ST3GAL4: variants seen among roughly 807,000 people sequenced by gnomAD.
The protein encoded by ST3GAL4 is ST3 beta-galactoside alpha-2,3-sialyltransferase 4, also known as CMP-N-acetylneuraminate-beta-galactosamide-alpha-2,3-sialyltransferase 4.
Under a neutral mutation model 42.6 loss-of-function variants are expected in ST3GAL4, and 24 were observed. The observed-to-expected ratio is 0.56, with a 90% CI of 0.41 to 0.79. ST3GAL4 has a LOEUF of 0.79. Among genes scored for constraint, ST3GAL4 ranks in the 30% least tolerant of loss-of-function variants. The pLI, the probability that ST3GAL4 is intolerant of heterozygous loss-of-function variation, is 0.00. For synonymous variants in ST3GAL4, 135 were observed against 163.2 expected, an observed-to-expected ratio of 0.83 and a Z score of 1.32; for missense variants, 311 against 430.8, an observed-to-expected ratio of 0.72 and a Z score of 2.46.
At chr11:126,365,882 G>A (rs1952406629) in intron 1 of ST3GAL4, among the ~76,000 whole-genome samples, 1 of 152,166 alleles carries the variant, frequency 6.6e-6, no homozygotes, top group Non-Finnish European at 1.5e-5. Context: ...TGCCCTCCAT[G>A]GGGCAGCAGG....
intron 1 of ST3GAL4, among the ~76,000 whole-genome samples, chr11:126,387,121 A>G (rs1280545816): frequency 2.0e-5 from 3 of 152,170 alleles, no homozygotes; most frequent in Admixed American, 1.3e-4. Context: ...CGCGTGTTCT[A>G]GGGTCTGAGA....
At position 126,359,692 on chromosome 11, in the gene ST3GAL4, CAGCTG is replaced by C. The variant is rs1952180779; in HGVS notation, c.-61+3851_-61+3855del. Reference sequence around the variant, plus strand: ...CTGAGCACACGCTTGTCCGCTTTCTCAGCTGGGCGGGGCGGGGCAGGACAAGGTTC... The same window carrying C: ...CTGAGCACACGCTTGTCCGCTTTCTCGGCGGGGCGGGGCAGGACAAGGTTC... On this transcript the variant is annotated intron_variant, in intron 1 of 10. Transcript: ENST00000444328. The surrounding 1 kb of genome is among the most constrained non-coding windows in gnomAD (Gnocchi z 4.8). Among the ~76,000 whole-genome samples the C allele has an allele frequency of 6.6e-6, 1 of 151,794 alleles. No individual in the cohort carries two copies. Among genetic ancestry groups the C allele is most frequent in the African/African-American group, 2.4e-5 (1 of 41,074 alleles).
In ST3GAL4 at chr11:126,373,778, C is replaced by T. The variant is rs539363117; in HGVS notation, c.-61+17936C>T. On this transcript the variant is annotated intron_variant, in intron 1 of 10. Transcript: ENST00000444328. This position sits in a 1 kb window ranked among gnomAD's most constrained non-coding sequence, Gnocchi z 5.5. ...CCTGAGGCAGTTAGCTGGTCAGTTA[C>T]TCACTGTGCTCTCTGCCAACTCTAA... 6.6e-6 allele frequency among the ~76,000 whole-genome samples: 1 copy of T among 152,202 alleles called. No homozygotes were observed. Among genetic ancestry groups the T allele is most frequent in the African/African-American group, 2.4e-5 (1 of 41,530 alleles).
chr11:126,367,564 C>G (rs185958174), intron 1 of ST3GAL4, among the ~76,000 whole-genome samples: 41 of 152,254 alleles, frequency 2.7e-4, no homozygotes, highest in African/African-American at 9.2e-4. Context: ...GTGCCTAGCC[C>G]CTGCTGAGGC....
chr11:126,381,284 G>T (rs1023156194), intron 1 of ST3GAL4, among the ~76,000 whole-genome samples: 3 of 152,204 alleles, frequency 2.0e-5, no homozygotes, highest in African/African-American at 7.2e-5. Flanking sequence ...CAAAACAGAG[G>T]TGTGTAGGGG....
At position 126,409,108 on chromosome 11, in the gene ST3GAL4, A is replaced by G. The variant is rs1308538640; in HGVS notation, c.628-160A>G. Among the ~76,000 whole-genome samples the G allele has an allele frequency of 2.0e-5, 3 of 152,174 alleles. No homozygotes were observed. The East Asian group carries it at 5.8e-4, about 29-fold the overall frequency. ...TTCCCTGGTCCTCTCCTGGTCTCCC[A>G]TCTGTGGCACAGACTTCACCTCCCT... On this transcript the variant is annotated intron_variant, in intron 8 of 10. Coordinates refer to ENST00000444328, the MANE Select transcript of ST3GAL4 (RefSeq NM_001254757.2). The surrounding 1 kb of genome is among the most constrained non-coding windows in gnomAD (Gnocchi z 4.9).
chr11:126,411,004 T>C lies in ST3GAL4; in HGVS notation c.771+1593T>C, dbSNP rs372893236. 1.3e-3 allele frequency among the ~76,000 whole-genome samples: 202 copies of C among 152,220 alleles called. No homozygotes were observed. The highest frequency in any genetic ancestry group is 4.7e-3 in the African/African-American group (194 of 41,534). On this transcript the variant is annotated intron_variant, in intron 9 of 10. Coordinates refer to ENST00000444328, the MANE Select transcript of ST3GAL4 (RefSeq NM_001254757.2). The surrounding 1 kb of genome is among the most constrained non-coding windows in gnomAD (Gnocchi z 6.3). Reference sequence around the variant, plus strand: ...TGAACTGTTTCCAGTACAAGTGGCGTTGAAGGGCAACAAGGAGTTTCATGC... The same window carrying C: ...TGAACTGTTTCCAGTACAAGTGGCGCTGAAGGGCAACAAGGAGTTTCATGC...
intron 1 of ST3GAL4, among the ~76,000 whole-genome samples, chr11:126,381,841 C>T (rs1444779706): frequency 6.6e-6 from 1 of 151,404 alleles, no homozygotes; most frequent in Non-Finnish European, 1.5e-5. Flanking sequence ...TCCTCCCTCA[C>T]TCCTGGCTTC....
Position 126,406,500 on chromosome 11 carries a change from T to C in ST3GAL4, c.44T>C (p.Leu15Pro). Residue 15 changes from leucine (L) to proline (P), a missense_variant, in exon 3 of 11, where the codon CTG becomes CCG. By Grantham distance (98) the Leu-to-Pro change is moderately conservative. Coordinates refer to ENST00000444328, the MANE Select transcript of ST3GAL4 (RefSeq NM_001254757.2). This position sits in a 1 kb window ranked among gnomAD's most constrained non-coding sequence, Gnocchi z 5.4. ...TGGAAGCTCCTGGCCATGTTGGCTC[T>C]GGTCCTGGTCGTCATGGTGTGGTAT... The part of the protein sequence containing the change: ...SRWKLLAMLA[L>P]VLVVMVWYSI... 1 of 1,614,220 alleles carries C rather than the reference T, an allele frequency of 6.2e-7. No individual in the cohort carries two copies.
At chr11:126,375,864 TCTTC>T (rs1952817273) in intron 1 of ST3GAL4, among the ~76,000 whole-genome samples, 1 of 144,564 alleles carries the variant, frequency 6.9e-6, no homozygotes, top group Admixed American at 7.0e-5. Flanking sequence ...TGATTCCTTT[TCTTC>T]CTTTTTTTTT....
rs1952444324 is a variant in ST3GAL4 at position 126,366,768 on chromosome 11, A to T, written c.-61+10926A>T. ...TCAGTGCCCAGCAGATGTTCTGGTG[A>T]GGGGAGGCGGGAGTGCAAGGTCTGC... On this transcript the variant is annotated intron_variant, in intron 1 of 10. Coordinates refer to ENST00000444328, the MANE Select transcript of ST3GAL4 (RefSeq NM_001254757.2). The surrounding 1 kb of genome is among the most constrained non-coding windows in gnomAD (Gnocchi z 4.2). 6.6e-6 allele frequency among the ~76,000 whole-genome samples: 1 copy of T among 152,102 alleles called. No individual in the cohort carries two copies. Among genetic ancestry groups the T allele is most frequent in the Non-Finnish European group, 1.5e-5 (1 of 68,016 alleles).
intron 1 of ST3GAL4, among the ~76,000 whole-genome samples, chr11:126,370,677 C>CTT (rs763709200): frequency 6.9e-6 from 1 of 144,186 alleles, no homozygotes. Context: ...ATCTCCATTC[C>CTT]TTTTTTTTTT....
In ST3GAL4 at chr11:126,411,247, G is replaced by A. The variant is rs1378217577; in HGVS notation, c.771+1836G>A. Among the ~76,000 whole-genome samples the A allele has an allele frequency of 6.6e-6, 1 of 152,070 alleles. No homozygotes were observed. Among genetic ancestry groups the A allele is most frequent in the African/African-American group, 2.4e-5 (1 of 41,418 alleles). On this transcript the variant is annotated intron_variant, in intron 9 of 10. Coordinates refer to ENST00000444328, the MANE Select transcript of ST3GAL4 (RefSeq NM_001254757.2). The surrounding 1 kb of genome is among the most constrained non-coding windows in gnomAD (Gnocchi z 6.3). ...TGCAACCTCTGCCTCCCAGGTTCAAGTGATTCTCCTGCCTCAGCCTCCCAA... is the reference window on the plus strand; with the variant it reads ...TGCAACCTCTGCCTCCCAGGTTCAAATGATTCTCCTGCCTCAGCCTCCCAA...
rs1182708564 is a variant in ST3GAL4, at chr11:126,396,523, G to C, written c.-60-9573G>C. On this transcript the variant is annotated intron_variant, in intron 1 of 10. Transcript: ENST00000444328. This position sits in a 1 kb window ranked among gnomAD's most constrained non-coding sequence, Gnocchi z 5.8. Reference sequence around the variant, plus strand: ...AGCTTCCAGAGAGCACCAGGGCTGTGGGGGCTAGAGACTGTGTCTCGTGCG... The same window carrying C: ...AGCTTCCAGAGAGCACCAGGGCTGTCGGGGCTAGAGACTGTGTCTCGTGCG... Among the ~76,000 whole-genome samples, 1 of 151,970 alleles carries C rather than the reference G, an allele frequency of 6.6e-6. No individual in the cohort carries two copies. Among genetic ancestry groups the C allele is most frequent in the African/African-American group, 2.4e-5 (1 of 41,220 alleles).
At chr11:126,405,873 G>A (rs1207025710) in intron 1 of ST3GAL4, 4 of 586,518 alleles carry the variant, frequency 6.8e-6, no homozygotes, top group East Asian at 3.0e-5. Context: ...CTGGACCCTC[G>A]GTTTTCCCTT....
chr11:126,370,634 T>C (rs908212898), intron 1 of ST3GAL4, among the ~76,000 whole-genome samples: 1 of 152,196 alleles, frequency 6.6e-6, no homozygotes, highest in African/African-American at 2.4e-5. Context: ...TATTAATCTT[T>C]CATTATTTAG....
At chr11:126,413,293 C>G in intron 9 of ST3GAL4, 1 of 515,220 alleles carries the variant, frequency 1.9e-6, no homozygotes, top group Non-Finnish European at 3.3e-6. Context: ...TTTAAATTTA[C>G]AATTTAATTA....
intron 8 of ST3GAL4, chr11:126,408,926 A>T (rs1954392094): frequency 7.3e-6 from 3 of 410,464 alleles, no homozygotes; most frequent in Non-Finnish European, 1.3e-5. Flanking sequence ...CACAGGCTGA[A>T]CTGTCCCATC....
At chr11:126,412,701 A>C (rs1312467824) in intron 9 of ST3GAL4, among the ~76,000 whole-genome samples, 1 of 152,210 alleles carries the variant, frequency 6.6e-6, no homozygotes, top group Non-Finnish European at 1.5e-5. Context: ...CGCCACCCCC[A>C]TAAAGGGTCG....
Sources: allele counts gnomAD v4.1 joint callset (sites outside exome capture counted in the v4.1 genomes callset), GRCh38; gene constraint gnomAD v4.1.1; non-coding constraint Gnocchi (gnomAD v3.1); transcripts MANE v1.5; gene names NCBI Gene and HGNC (gene_info 2026-07-23, HGNC 2026-07-21).